Variants in HCN1 observed in about 807,000 individuals in gnomAD.
The protein encoded by HCN1 is potassium/sodium hyperpolarization-activated cyclic nucleotide-gated channel 1.
In HCN1, 13 loss-of-function variants were observed where a neutral mutation model predicts 78.9. The ratio of observed to expected loss-of-function variants is 0.16; its 90% CI spans 0.11 to 0.26. The LOEUF (loss-of-function observed/expected upper bound fraction) is 0.26. Among genes scored for constraint, HCN1 ranks in the 10% least tolerant of loss-of-function variants. The pLI is 1.00. For missense variants in HCN1, 810 were observed against 1,154.3 expected, an observed-to-expected ratio of 0.70 and a Z score of 4.32; for synonymous variants, 552 against 455.5, an observed-to-expected ratio of 1.21 and a Z score of -2.70.
chr5:45,504,683 C>T (rs1379368313), intron 2 of HCN1, among the ~76,000 whole-genome samples: 1 of 152,156 alleles, frequency 6.6e-6, no homozygotes, highest in African/African-American at 2.4e-5. Context: ...ACACTGTCTT[C>T]CACAATGGTT....
At chr5:45,660,178 C>A (rs1210207686) in intron 1 of HCN1, among the ~76,000 whole-genome samples, 4 of 122,312 alleles carry the variant, frequency 3.3e-5, no homozygotes, top group East Asian at 4.9e-4. Context: ...AATTTTCAAC[C>A]CAGAATTTCA....
chr5:45,442,034 C>A (rs1240619286), intron 3 of HCN1, among the ~76,000 whole-genome samples: 2 of 152,024 alleles, frequency 1.3e-5, no homozygotes, highest in South Asian at 2.1e-4. Context: ...CTGTTGTGTC[C>A]TTTTAACTTT....
intron 2 of HCN1, among the ~76,000 whole-genome samples, chr5:45,527,142 A>G (rs1742753731): frequency 7.3e-6 from 1 of 136,592 alleles, no homozygotes; most frequent in Admixed American, 7.4e-5. Flanking sequence ...TATTCTTTTG[A>G]GCCCAGAAAC....
chr5:45,398,519 A>G (rs1739727208), intron 3 of HCN1, among the ~76,000 whole-genome samples: 1 of 152,158 alleles, frequency 6.6e-6, no homozygotes, highest in East Asian at 1.9e-4. Context: ...CACAGTCAAG[A>G]CACAGAATAA....
intron 7 of HCN1, among the ~76,000 whole-genome samples, chr5:45,263,916 C>A (rs1239314013): frequency 1.3e-5 from 2 of 152,132 alleles, no homozygotes; most frequent in South Asian, 2.1e-4. Flanking sequence ...GCCTTAGCCT[C>A]CTGAGTAGCT....
intron 3 of HCN1, among the ~76,000 whole-genome samples, chr5:45,409,981 A>T (rs1739994749): frequency 6.6e-6 from 1 of 151,894 alleles, no homozygotes; most frequent in African/African-American, 2.4e-5. Context: ...AGAATTAAAA[A>T]ACAAAACAAA....
chr5:45,358,565 C>T (rs560701462), intron 4 of HCN1, among the ~76,000 whole-genome samples: 174 of 152,198 alleles, frequency 1.1e-3, no homozygotes, highest in Middle Eastern at 3.4e-3. Context: ...TACATGTCTT[C>T]CTCCAACTCT....
chr5:45,370,474 T>C (rs1279306118), intron 4 of HCN1, among the ~76,000 whole-genome samples: 1 of 152,046 alleles, frequency 6.6e-6, no homozygotes, highest in East Asian at 1.9e-4. Context: ...ACACCTTGTT[T>C]CACAGCCTTC....
In HCN1 at chr5:45,383,825, A is replaced by T. The variant is rs184953834; in HGVS notation, c.1230+12667T>A. Among the ~76,000 whole-genome samples, 480 of 152,262 alleles carry T rather than the reference A, an allele frequency of 3.2e-3. 2 individuals are homozygous for T. The highest frequency in any genetic ancestry group is 0.011 in the African/African-American group (458 of 41,544). On this transcript the variant is annotated intron_variant, in intron 4 of 7. Coordinates refer to ENST00000303230, the MANE Select transcript of HCN1 (RefSeq NM_021072.4). ...AATATAAAATGTTTGTTTTTTCCAC[A>T]ATATTTTAATAGTAAAATACAAAAG...
chr5:45,608,832 G>T (rs1744776872), intron 2 of HCN1, among the ~76,000 whole-genome samples: 1 of 151,666 alleles, frequency 6.6e-6, no homozygotes, highest in Non-Finnish European at 1.5e-5. Flanking sequence ...TAAGTACAAA[G>T]AAAAAAGTAC....
intron 6 of HCN1, among the ~76,000 whole-genome samples, chr5:45,302,099 G>T (rs1035968128): frequency 7.2e-5 from 11 of 152,132 alleles, no homozygotes; most frequent in Admixed American, 7.2e-4. Context: ...CAAATAATTA[G>T]GGTATGTCCT....
At chr5:45,535,513 G>A (rs146350810) in intron 2 of HCN1, among the ~76,000 whole-genome samples, 228 of 152,110 alleles carry the variant, frequency 1.5e-3, no homozygotes, top group African/African-American at 5.2e-3. Flanking sequence ...CAGGAGAATC[G>A]CTTGAACCTG....
intron 3 of HCN1, among the ~76,000 whole-genome samples, chr5:45,431,789 C>CTA (rs543203004): frequency 3.7e-4 from 57 of 152,124 alleles, no homozygotes; most frequent in African/African-American, 1.3e-3. Flanking sequence ...CTCTATTGGT[C>CTA]TATGTACCTT....
rs372623046 is a variant in HCN1, at chr5:45,321,005, G to A, written c.1378-17166C>T. Among the ~76,000 whole-genome samples, 34 of 151,910 alleles carry A rather than the reference G, an allele frequency of 2.2e-4. No homozygotes were observed. In the East Asian group the frequency reaches 2.9e-3, roughly 13 times the overall value. On this transcript the variant is annotated intron_variant, in intron 5 of 7. Transcript: ENST00000303230. ...ACTGCAAGAAAAGAAAGGGAGACCG[G>A]TATTTGTTCTTGTCTACTGGGGGAT...
intron 2 of HCN1, among the ~76,000 whole-genome samples, chr5:45,577,939 G>A (rs1743983167): frequency 6.6e-6 from 1 of 152,004 alleles, no homozygotes; most frequent in Non-Finnish European, 1.5e-5. Context: ...TGGAAGTAGT[G>A]TCACTATTCT....
At chr5:45,355,936 C>T (rs1746998929) in intron 4 of HCN1, among the ~76,000 whole-genome samples, 1 of 151,958 alleles carries the variant, frequency 6.6e-6, no homozygotes, top group Non-Finnish European at 1.5e-5. Flanking sequence ...TGTTAGAATA[C>T]AACACACTAA....
intron 6 of HCN1, among the ~76,000 whole-genome samples, chr5:45,285,822 C>A (rs1229420734): frequency 6.6e-6 from 1 of 151,936 alleles, no homozygotes; most frequent in Admixed American, 6.6e-5. Flanking sequence ...TACATTTACA[C>A]AAAAACATGG....
At chr5:45,321,539 T>A (rs1025598391) in intron 5 of HCN1, among the ~76,000 whole-genome samples, 3 of 151,872 alleles carry the variant, frequency 2.0e-5, no homozygotes, top group Non-Finnish European at 2.9e-5. Flanking sequence ...TTTGCAATAG[T>A]GTATATTTCA....
At chr5:45,660,061 G>A (rs1040337401) in intron 1 of HCN1, among the ~76,000 whole-genome samples, 2 of 119,446 alleles carry the variant, frequency 1.7e-5, no homozygotes, top group Non-Finnish European at 3.4e-5. Context: ...GAGAAAGGTC[G>A]GGTTACCCTC....
Sources: allele counts gnomAD v4.1 joint callset (sites outside exome capture counted in the v4.1 genomes callset), GRCh38; gene constraint gnomAD v4.1.1; transcripts MANE v1.5; gene names NCBI Gene and HGNC (gene_info 2026-07-23, HGNC 2026-07-21).